The following IQSEC3 variants were observed in gnomAD, a reference collection of about 807,000 sequenced individuals.
IQSEC3 encodes the protein IQ motif and SEC7 domain-containing protein 3.
A neutral mutation model predicts 105.4 loss-of-function variants in IQSEC3; 50 were observed. That is an observed-to-expected ratio of 0.47 (90% CI 0.38 to 0.60). The LOEUF (loss-of-function observed/expected upper bound fraction) is 0.60, where lower values mean the gene tolerates loss of function less well. Among genes scored for constraint, IQSEC3 ranks in the 20% least tolerant of loss-of-function variants. IQSEC3 has a pLI of 0.00. For synonymous variants in IQSEC3, 708 were observed against 746.0 expected (o/e 0.95, Z 0.83); for missense variants, 1,415 against 1,630.0 (o/e 0.87, Z 2.27).
At chr12:93,515 G>A (rs1864156292) in intron 1 of IQSEC3, among the ~76,000 whole-genome samples, 1 of 152,218 alleles carries the variant, frequency 6.6e-6, no homozygotes, top group South Asian at 2.1e-4. Context: ...CAGAGACAGA[G>A]GGGAAGGCTG....
At chr12:158,785 A>G (rs1866786618) in intron 7 of IQSEC3, among the ~76,000 whole-genome samples, 1 of 152,138 alleles carries the variant, frequency 6.6e-6, no homozygotes, top group Non-Finnish European at 1.5e-5. Context: ...CAGCCTCCCA[A>G]GTAGCCGGGA....
intron 5 of IQSEC3, among the ~76,000 whole-genome samples, chr12:146,416 G>T (rs889549090): frequency 1.3e-5 from 2 of 152,022 alleles, no homozygotes; most frequent in Non-Finnish European, 1.5e-5. Flanking sequence ...AGGAGGTTAG[G>T]GCTACTGTGA....
At chr12:128,237 G>A (rs1565416798) in intron 3 of IQSEC3, among the ~76,000 whole-genome samples, 1 of 152,176 alleles carries the variant, frequency 6.6e-6, no homozygotes, top group Non-Finnish European at 1.5e-5. Flanking sequence ...CTTCAGCCCT[G>A]TGTCAGCATT....
chr12:172,819 A>G (rs1190655547), intron 13 of IQSEC3, among the ~76,000 whole-genome samples: 1 of 152,118 alleles, frequency 6.6e-6, no homozygotes, highest in Non-Finnish European at 1.5e-5. Context: ...TCACTTACTG[A>G]CCACTAAAGA....
chr12:73,099 A>T lies in IQSEC3; in HGVS notation c.554+5663A>T, dbSNP rs114997294. Among the ~76,000 whole-genome samples the T allele has an allele frequency of 1.0e-3, 150 of 144,986 alleles. 1 individual carries two copies. The highest frequency in any genetic ancestry group is 3.5e-3 in the African/African-American group (128 of 36,198). On this transcript the variant is annotated intron_variant, in intron 1 of 13. Transcript: ENST00000538872. The stretch of plus-strand genomic sequence containing the variant: ...ATAAATAAATAAATAAATAAATAAA[A>T]AAGGGAATCAGGAGTAAGGCAAGGG...
intron 1 of IQSEC3, among the ~76,000 whole-genome samples, chr12:87,579 G>GCT (rs1371355103): frequency 1.3e-5 from 2 of 152,182 alleles, no homozygotes; most frequent in Non-Finnish European, 2.9e-5. Flanking sequence ...GCTCACACAA[G>GCT]CAGACAACTC....
chr12:137,610 A>G (rs1312016152), intron 3 of IQSEC3: 1 of 149,698 alleles, frequency 6.7e-6, no homozygotes, highest in Non-Finnish European at 1.5e-5. Context: ...GTACTTCTGT[A>G]TGCATCTCTG....
chr12:101,903 C>T (rs972547632), intron 2 of IQSEC3, among the ~76,000 whole-genome samples: 1 of 152,182 alleles, frequency 6.6e-6, no homozygotes, highest in Non-Finnish European at 1.5e-5. Flanking sequence ...CAAACCTCAT[C>T]CCTTCCCCTA....
Position 157,070 on chromosome 12 carries a change from G to C in IQSEC3, c.2199G>C (p.Glu733Asp). ...EMDFSSMELD[E>D]ALRKFQAHIR... ...ACTTCTCCAGCATGGAGCTGGACGA[G>C]GCCCTGCGCAAGTTCCAGGCACACA... Residue 733 changes from glutamate (E) to aspartate (D), a missense_variant, in exon 6 of 14, where the codon GAG (glutamate) becomes GAC (aspartate). Glu to Asp is a conservative substitution (Grantham distance 45). Transcript: ENST00000538872. 3 of 1,607,270 alleles carry C rather than the reference G, an allele frequency of 1.9e-6. No homozygotes were observed. The highest frequency in any genetic ancestry group is 2.5e-6 in the Non-Finnish European group (3 of 1,176,866).
Position 161,976 on chromosome 12 carries a change from G to C in IQSEC3, c.2494G>C (p.Glu832Gln). 6.2e-7 allele frequency: 1 copy of C among 1,610,786 alleles called. No homozygotes were observed. The highest frequency in any genetic ancestry group is 8.5e-7 in the Non-Finnish European group (1 of 1,178,114). The change falls in exon 8 of 14, where the codon GAG becomes CAG. Residue 832 changes from glutamate (E) to glutamine (Q), a missense_variant. By Grantham distance (29) the Glu-to-Gln change is conservative. Coordinates refer to ENST00000538872, the MANE Select transcript of IQSEC3 (RefSeq NM_001170738.2). The stretch of plus-strand genomic sequence containing the variant: ...CAGGGAGCTGGTGGTAGGCATCTAT[G>C]AGAGGATACAGCAGAAGGAGCTCAA... ...IPRELVVGIYERIQQKELKSN... is the reference protein window; with the variant it reads ...IPRELVVGIYQRIQQKELKSN...
intron 1 of IQSEC3, among the ~76,000 whole-genome samples, chr12:79,660 G>A (rs2136880377): frequency 6.6e-6 from 1 of 152,138 alleles, no homozygotes; most frequent in East Asian, 1.9e-4. Context: ...TCGAACTCCT[G>A]GCCTCAAGCA....
Position 154,669 on chromosome 12 carries a change from G to A in IQSEC3, c.2154-2356G>A, listed in dbSNP as rs60998516. Among the ~76,000 whole-genome samples, 716 of 152,246 alleles carry A rather than the reference G, an allele frequency of 4.7e-3. 6 individuals are homozygous for A. Among genetic ancestry groups the A allele is most frequent in the African/African-American group, 0.017 (692 of 41,528 alleles). ...CTCCATGCCGCCCCCACCACAGTCC[G>A]CGGTGCACTTCACATCTTCATCTCT... On this transcript the variant is annotated intron_variant, in intron 5 of 13. Transcript: ENST00000538872.
intron 2 of IQSEC3, among the ~76,000 whole-genome samples, chr12:122,221 GGGCCAGTGGGCCTTGATA>G (rs1163307818): frequency 1.1e-4 from 17 of 152,196 alleles, no homozygotes; most frequent in Admixed American, 1.1e-3. Flanking sequence ...TGGAACCTTG[GGGCCAGTGGGCCTTGATA>G]GGCCGGCCTC....
In IQSEC3 at chr12:91,572, C is replaced by T. The variant is rs535465625; in HGVS notation, c.555-7574C>T. ...GATGGATCACTGGAGCCGAGGAGTT[C>T]GAGACCAGCCTGGGCAGCATGATGA... On this transcript the variant is annotated intron_variant, in intron 1 of 13. Coordinates refer to ENST00000538872, the MANE Select transcript of IQSEC3 (RefSeq NM_001170738.2). 4.6e-5 allele frequency among the ~76,000 whole-genome samples: 7 copies of T among 152,212 alleles called. No individual in the cohort carries two copies. The South Asian group carries it at 8.3e-4, about 18-fold the overall frequency.
chr12:98,782 CA>C (rs1334630051), intron 1 of IQSEC3, among the ~76,000 whole-genome samples: 1 of 152,192 alleles, frequency 6.6e-6, no homozygotes, highest in African/African-American at 2.4e-5. Context: ...TCGTGGAGAA[CA>C]GGGTCATAAA....
At chr12:111,047 GT>G (rs376807728) in intron 2 of IQSEC3, among the ~76,000 whole-genome samples, 2 of 152,158 alleles carry the variant, frequency 1.3e-5, no homozygotes, top group African/African-American at 4.8e-5. Flanking sequence ...CGATCGCCCT[GT>G]TCTGTTCTTC....
intron 2 of IQSEC3, among the ~76,000 whole-genome samples, chr12:114,388 C>T (rs1239341655): frequency 2.0e-5 from 3 of 152,210 alleles, no homozygotes; most frequent in South Asian, 2.1e-4. Context: ...AGGTCTAGTC[C>T]GTCCCATGGG....
At position 157,712 on chromosome 12, in the gene IQSEC3, G is replaced by C. The variant is rs1555094924; in HGVS notation, c.2443+18G>C. 6.2e-7 allele frequency: 1 copy of C among 1,603,216 alleles called. No homozygotes were observed. Among genetic ancestry groups the C allele is most frequent in the African/African-American group, 1.3e-5 (1 of 74,958 alleles). On this transcript the variant is annotated intron_variant, in intron 7 of 13. Coordinates refer to ENST00000538872, the MANE Select transcript of IQSEC3 (RefSeq NM_001170738.2). ...CCTTCGAGGTGAGGAGGTGGGCACTGGGGCAGGAGGGGCAAGGCCACGGCT... is the reference window on the plus strand; with the variant it reads ...CCTTCGAGGTGAGGAGGTGGGCACTCGGGCAGGAGGGGCAAGGCCACGGCT...
At chr12:128,412 G>A (rs549694944) in intron 3 of IQSEC3, among the ~76,000 whole-genome samples, 5 of 152,086 alleles carry the variant, frequency 3.3e-5, no homozygotes, top group Non-Finnish European at 5.9e-5. Flanking sequence ...ACAGCATGGC[G>A]CCAGGAACTG....
Sources: allele counts gnomAD v4.1 joint callset (sites outside exome capture counted in the v4.1 genomes callset), GRCh38; gene constraint gnomAD v4.1.1; transcripts MANE v1.5; gene names NCBI Gene and HGNC (gene_info 2026-07-23, HGNC 2026-07-21).